CCDC93: variants seen among roughly 807,000 people sequenced by gnomAD.
CCDC93 encodes coiled-coil domain-containing protein 93.
In CCDC93, 61 loss-of-function variants were observed where a neutral mutation model predicts 108.2. The ratio of observed to expected loss-of-function variants is 0.56; its 90% CI spans 0.46 to 0.70. The LOEUF (loss-of-function observed/expected upper bound fraction) is 0.70. Ranked by LOEUF, CCDC93 falls within the 30% of genes least tolerant of loss-of-function variation. The pLI is 0.00. For synonymous variants in CCDC93, 276 were observed against 260.4 expected, an observed-to-expected ratio of 1.06 and a Z score of -0.58; for missense variants, 685 against 764.2, an observed-to-expected ratio of 0.90 and a Z score of 1.22.
chr2:117,980,931 T>C (rs1246771482), intron 7 of CCDC93, among the ~76,000 whole-genome samples: 1 of 152,236 alleles, frequency 6.6e-6, no homozygotes, highest in African/African-American at 2.4e-5. Context: ...GGAGATTTCA[T>C]AGAAATGAAA....
intron 11 of CCDC93, among the ~76,000 whole-genome samples, chr2:117,961,645 A>C (rs749807077): frequency 1.3e-5 from 2 of 152,230 alleles, no homozygotes; most frequent in Non-Finnish European, 2.9e-5. Flanking sequence ...GAAGACAGGA[A>C]CAGGTCCGTA....
At chr2:117,991,474 C>T (rs548594729) in intron 6 of CCDC93, among the ~76,000 whole-genome samples, 196 of 152,336 alleles carry the variant, frequency 1.3e-3, no homozygotes, top group Non-Finnish European at 1.8e-3. Context: ...CCGACACCTG[C>T]TGTGTTAGAG....
chr2:117,935,466 G>C, intron 22 of CCDC93, 29 bp downstream of exon 22: 1 of 1,542,826 alleles, frequency 6.5e-7, no homozygotes, highest in South Asian at 1.1e-5. Flanking sequence ...TAAAACCTGG[G>C]CTGCATTACA....
intron 3 of CCDC93, among the ~76,000 whole-genome samples, chr2:118,004,797 A>G (rs1676819703): frequency 6.6e-6 from 1 of 152,196 alleles, no homozygotes; most frequent in African/African-American, 2.4e-5. Flanking sequence ...TAAGAGACAC[A>G]CATCAAGCAC....
intron 11 of CCDC93, among the ~76,000 whole-genome samples, chr2:117,973,525 G>T (rs762709610): frequency 6.6e-6 from 1 of 151,960 alleles, no homozygotes; most frequent in African/African-American, 2.4e-5. Context: ...CTGAGTTATG[G>T]GGTTTATCTC....
Position 117,997,038 on chromosome 2 carries a change from T to C in CCDC93, c.364-676A>G, listed in dbSNP as rs1573524996. ...GCCGGGAGACTATATAACTTACTCA[T>C]GGATCCATAGCTAGCCAGCTGCAAA... On this transcript the variant is annotated intron_variant, in intron 4 of 23. Coordinates refer to ENST00000376300, the MANE Select transcript of CCDC93 (RefSeq NM_019044.5). 1.3e-5 allele frequency: 2 copies of C among 152,376 alleles called. 1 individual carries two copies. Among genetic ancestry groups the C allele is most frequent in the East Asian group, 3.9e-4 (2 of 5,194 alleles). The allele number at this position is 152,376 out of a possible 1,614,324, so 9.4% of individuals were successfully genotyped here. A position where few individuals can be genotyped will look rare whatever the true frequency, so the allele number is the denominator to read the frequency against.
rs758549711 is a variant in CCDC93, at chr2:117,916,974, T to C, written c.*3369A>G. On this transcript the variant is annotated 3_prime_UTR_variant, in exon 24 of 24. Transcript: ENST00000376300. ...GGGCTCTTTATTGTACTGTTCTGCA[T>C]TAAGATGTTCTTTTACTTTGAGGCC... 1.3e-5 allele frequency: 2 copies of C among 152,206 alleles called. No homozygotes were observed. Among genetic ancestry groups the C allele is most frequent in the African/African-American group, 2.4e-5 (1 of 41,450 alleles). The allele number at this position is 152,206 out of a possible 1,614,324, so 9.4% of individuals were successfully genotyped here.
intron 23 of CCDC93, among the ~76,000 whole-genome samples, chr2:117,922,033 G>A (rs1343429549): frequency 1.3e-5 from 2 of 150,202 alleles, no homozygotes; most frequent in Admixed American, 1.3e-4. Flanking sequence ...TGGAGTGGAA[G>A]AGATGGAACA....
At chr2:118,010,107 T>TTG (rs1676985091) in intron 1 of CCDC93, among the ~76,000 whole-genome samples, 1 of 150,724 alleles carries the variant, frequency 6.6e-6, no homozygotes, top group Non-Finnish European at 1.5e-5. Context: ...ACGCCCGTTT[T>TTG]TTTGTTTGTT....
At chr2:117,949,479 TG>T in intron 13 of CCDC93, 84 bp from the exon 14 acceptor site, 1 of 976,312 alleles carries the variant, frequency 1.0e-6, no homozygotes, top group Non-Finnish European at 1.6e-6. Flanking sequence ...AGGCAGATAA[TG>T]ACACTTTTTA....
intron 4 of CCDC93, chr2:117,998,923 G>A (rs943778405): frequency 6.6e-6 from 1 of 152,154 alleles, no homozygotes; most frequent in African/African-American, 2.4e-5. Flanking sequence ...AAATTTTAAG[G>A]TAAAGTCTTG....
chr2:117,924,327 C>T (rs1677999043), intron 23 of CCDC93, among the ~76,000 whole-genome samples: 1 of 152,112 alleles, frequency 6.6e-6, no homozygotes, highest in Non-Finnish European at 1.5e-5. Flanking sequence ...GATCAAACTA[C>T]TCTGAGCTAA....
At chr2:117,974,557 G>A (rs980443528) in intron 10 of CCDC93, among the ~76,000 whole-genome samples, 4 of 152,158 alleles carry the variant, frequency 2.6e-5, no homozygotes, top group African/African-American at 7.2e-5. Flanking sequence ...AGCTGCCTCA[G>A]CATGAGGCAT....
intron 22 of CCDC93, chr2:117,933,883 C>T (rs1239970015): frequency 5.3e-5 from 8 of 152,096 alleles, no homozygotes; most frequent in Admixed American, 5.2e-4. Context: ...AGGGCCTAAC[C>T]ATGGGTTAGG....
At chr2:117,989,191 G>A (rs1680404869) in intron 6 of CCDC93, among the ~76,000 whole-genome samples, 1 of 152,144 alleles carries the variant, frequency 6.6e-6, no homozygotes, top group Non-Finnish European at 1.5e-5. Context: ...TCCAACCACG[G>A]ATAGGATAAA....
chr2:117,951,309 C>A, intron 13 of CCDC93: 6 of 985,362 alleles, frequency 6.1e-6, no homozygotes, highest in Admixed American at 6.1e-5. Flanking sequence ...GCTAATCTGT[C>A]CAAAGGCAAG....
chr2:117,944,726 A>G, intron 17 of CCDC93: 1 of 471,106 alleles, frequency 2.1e-6, no homozygotes, highest in South Asian at 1.5e-5. Flanking sequence ...CCCCCTACCC[A>G]ACGCACCCAA....
rs961549510 is a variant in CCDC93, at chr2:117,982,075, G to A, written c.620+3894C>T. Among the ~76,000 whole-genome samples, 16 of 152,062 alleles carry A rather than the reference G, an allele frequency of 1.1e-4. 1 individual carries two copies. The highest frequency in any genetic ancestry group is 8.5e-4 in the Admixed American group (13 of 15,276). ...ACAAACAGGTTGGGAGAGGTATGCC[G>A]TGTTTTATTTACTAACTACAGAATG... On this transcript the variant is annotated intron_variant, in intron 7 of 23. Coordinates refer to ENST00000376300, the MANE Select transcript of CCDC93 (RefSeq NM_019044.5).
chr2:118,011,045 T>C (rs1182312288), intron 1 of CCDC93, among the ~76,000 whole-genome samples: 3 of 152,234 alleles, frequency 2.0e-5, no homozygotes, highest in African/African-American at 4.8e-5. Context: ...GAGAGGACTA[T>C]ATATTATATA....
Sources: gnomAD v4.1 joint callset for allele counts (sites outside exome capture counted in the v4.1 genomes callset) on GRCh38, gnomAD v4.1.1 for gene constraint, MANE v1.5 for transcripts, NCBI Gene and HGNC (gene_info 2026-07-23, HGNC 2026-07-21) for gene names.